Variants in RABEP1 observed in about 807,000 individuals in gnomAD.
The protein encoded by RABEP1 is rabaptin, RAB GTPase binding effector protein 1, also known as rab GTPase-binding effector protein 1.
In RABEP1, 51 loss-of-function variants were observed where a neutral mutation model predicts 123.4. The observed-to-expected ratio is 0.41, with a 90% CI of 0.33 to 0.52. RABEP1 has a LOEUF of 0.52. Among genes scored for constraint, RABEP1 ranks in the 20% least tolerant of loss-of-function variants. RABEP1 has a pLI of 0.16. For synonymous variants in RABEP1, 347 were observed against 355.2 expected (o/e 0.98, Z 0.26); for missense variants, 888 against 996.3 (o/e 0.89, Z 1.46).
chr17:5,319,330 AAAAAAAAAAAACAAAAAAAC>A (rs1241733810), intron 2 of RABEP1, among the ~76,000 whole-genome samples: 1 of 120,452 alleles, frequency 8.3e-6, no homozygotes, highest in Non-Finnish European at 1.7e-5. Flanking sequence ...TCTGTCTCAA[AAAAAAAAAAAACAAAAAAAC>A]AAAAAAAAAA....
intron 4 of RABEP1, 106 bp downstream of exon 4, chr17:5,335,450 G>A: frequency 4.0e-6 from 4 of 1,010,340 alleles, no homozygotes; most frequent in South Asian, 3.3e-5. Context: ...TATTTCCTGT[G>A]AGAATAATTA....
chr17:5,339,261 T>C (rs1400654755), intron 5 of RABEP1, among the ~76,000 whole-genome samples: 1 of 152,228 alleles, frequency 6.6e-6, no homozygotes, highest in Non-Finnish European at 1.5e-5. Context: ...CTGATACCTA[T>C]GTTTAAAAGA....
At position 5,361,817 on chromosome 17, in the gene RABEP1, C is replaced by G. The variant is rs544097128; in HGVS notation, c.1563+142C>G. ...AGCAAGTGGATATTAACGTGTGTCA[C>G]CTGACCCTTGTCATAGTCTGCCTTG... On this transcript the variant is annotated intron_variant, in intron 9 of 17. Transcript: ENST00000537505. 7 of 678,414 alleles carry G rather than the reference C, an allele frequency of 1.0e-5. No individual in the cohort carries two copies. The South Asian group carries it at 1.4e-4, about 13-fold the overall frequency. The allele number at this position is 678,414 out of a possible 1,614,324, so 42.0% of individuals were successfully genotyped here. A position where few individuals can be genotyped will look rare whatever the true frequency, so the allele number is the denominator to read the frequency against.
chr17:5,292,960 G>A (rs548657277), intron 1 of RABEP1, among the ~76,000 whole-genome samples: 1 of 152,304 alleles, frequency 6.6e-6, no homozygotes, highest in South Asian at 2.1e-4. Flanking sequence ...GGCATTACAG[G>A]CATGAGCTGC....
At chr17:5,371,005 C>T (rs1343751681) in intron 12 of RABEP1, among the ~76,000 whole-genome samples, 6 of 150,528 alleles carry the variant, frequency 4.0e-5, no homozygotes, top group African/African-American at 9.8e-5. Context: ...CTTGCTCTGT[C>T]GCCCAGGTTG....
At position 5,357,788 on chromosome 17, in the gene RABEP1, G is replaced by T. The variant is rs146957848; in HGVS notation, c.1095+3298G>T. Among the ~76,000 whole-genome samples the T allele has an allele frequency of 1.4e-3, 220 of 152,296 alleles. 3 individuals carry two copies. Among genetic ancestry groups the T allele is most frequent in the East Asian group, 5.8e-4 (3 of 5,184 alleles). ...TGGAAGCAGAGGTACAGCACACCTT[G>T]CATGGCCACAGCAGGGAAGCACCAG... On this transcript the variant is annotated intron_variant, in intron 8 of 17. Transcript: ENST00000537505.
At chr17:5,307,434 A>G (rs964559982) in intron 1 of RABEP1, among the ~76,000 whole-genome samples, 1 of 152,182 alleles carries the variant, frequency 6.6e-6, no homozygotes, top group Non-Finnish European at 1.5e-5. Context: ...AATTAAATTG[A>G]GTGATTGGGA....
chr17:5,342,420 C>G (rs960389861), intron 5 of RABEP1, among the ~76,000 whole-genome samples: 1 of 152,048 alleles, frequency 6.6e-6, no homozygotes, highest in African/African-American at 2.4e-5. Flanking sequence ...GGGGGATCAC[C>G]TGAGGTTAGG....
chr17:5,318,455 G>A (rs972425082), intron 2 of RABEP1, among the ~76,000 whole-genome samples: 1 of 152,078 alleles, frequency 6.6e-6, no homozygotes, highest in Non-Finnish European at 1.5e-5. Context: ...AGAAATTACT[G>A]GTATCAGAAA....
At chr17:5,334,887 T>TGGA (rs1567529599) in intron 3 of RABEP1, among the ~76,000 whole-genome samples, 2 of 152,212 alleles carry the variant, frequency 1.3e-5, no homozygotes, top group Non-Finnish European at 2.9e-5. Flanking sequence ...GTTCGAATTC[T>TGGA]AGCTTTGCTT....
rs1244667925 is a variant in RABEP1, at chr17:5,383,208, G to C, written c.2574G>C (p.Gln858His). 1.2e-6 allele frequency: 2 copies of C among 1,613,956 alleles called. No homozygotes were observed. Among genetic ancestry groups the C allele is most frequent in the Non-Finnish European group, 1.7e-6 (2 of 1,179,978 alleles). ...LNDTKLTDIN[Q>H]LPET ...ATACTAAACTGACAGACATTAACCA[G>C]CTTCCTGAGACATGACACCCTCATG... The change falls in exon 18 of 18, where the codon CAG becomes CAC. Residue 858 changes from glutamine (Q) to histidine (H), a missense_variant. By Grantham distance (24) the Gln-to-His change is conservative (BLOSUM62 0). Transcript: ENST00000537505.
intron 2 of RABEP1, among the ~76,000 whole-genome samples, chr17:5,320,465 A>C (rs1172348673): frequency 6.6e-6 from 1 of 151,108 alleles, no homozygotes; most frequent in Non-Finnish European, 1.5e-5. Context: ...CACACTGGTA[A>C]AATTAAGTAC....
intron 8 of RABEP1, among the ~76,000 whole-genome samples, chr17:5,357,166 A>G (rs1263178785): frequency 6.6e-6 from 1 of 151,754 alleles, no homozygotes; most frequent in African/African-American, 2.4e-5. Context: ...TTGAGCCACC[A>G]TGCCTGGCTC....
chr17:5,354,757 T>A (rs985168715), intron 8 of RABEP1, among the ~76,000 whole-genome samples: 4 of 152,244 alleles, frequency 2.6e-5, no homozygotes, highest in African/African-American at 9.6e-5. Flanking sequence ...AATAAACCTT[T>A]AAATAATGTC....
Position 5,323,703 on chromosome 17 carries a change from AAT to A in RABEP1, c.164-8233_164-8232del, listed in dbSNP as rs140822514. Among the ~76,000 whole-genome samples, 88 of 44,762 alleles carry A rather than the reference AAT, an allele frequency of 2.0e-3. 9 individuals carry two copies. The highest frequency in any genetic ancestry group is 7.3e-3 in the African/African-American group (35 of 4,794). The allele number at this position is 44,762 out of a possible 152,430, so 29.4% of individuals were successfully genotyped here. On this transcript the variant is annotated intron_variant, in intron 2 of 17. Transcript: ENST00000537505. ...ATATATATATATATCTCTCTCTAGG[AAT>A]ATATATATATATCTAGGAATATATA...
intron 1 of RABEP1, among the ~76,000 whole-genome samples, chr17:5,290,566 T>G (rs886779575): frequency 2.0e-5 from 3 of 152,098 alleles, no homozygotes. Context: ...AATTAATGCA[T>G]TAAGTGCATG....
At position 5,350,555 on chromosome 17, in the gene RABEP1, G is replaced by C; in HGVS notation, c.889G>C (p.Asp297His). 5 of 1,614,156 alleles carry C rather than the reference G, an allele frequency of 3.1e-6. No individual in the cohort carries two copies. Among genetic ancestry groups the C allele is most frequent in the Non-Finnish European group, 4.2e-6 (5 of 1,180,022 alleles). The change falls in exon 7 of 18, where the codon GAC (aspartate) becomes CAC (histidine). Residue 297 changes from aspartate to histidine, a missense_variant. Coordinates refer to ENST00000537505, the MANE Select transcript of RABEP1 (RefSeq NM_004703.6). ...GGAATCTCAGCGTTTACTGATGAGA[G>C]ACATGCAGCGAATGGAGATTGTGCT... ...FLESQRLLMR[D>H]MQRMEIVLTS...
intron 5 of RABEP1, among the ~76,000 whole-genome samples, chr17:5,346,334 T>G (rs184603666): frequency 6.6e-6 from 1 of 152,376 alleles, no homozygotes; most frequent in Admixed American, 6.5e-5. Context: ...TGTCTTCTTT[T>G]TATACATTTA....
chr17:5,381,932 C>T (rs1597304560), intron 17 of RABEP1, among the ~76,000 whole-genome samples: 1 of 152,104 alleles, frequency 6.6e-6, no homozygotes, highest in Non-Finnish European at 1.5e-5. Flanking sequence ...TAGGTCTGTC[C>T]CCTCTGTGGA....
Sources: allele counts gnomAD v4.1 joint callset (sites outside exome capture counted in the v4.1 genomes callset), GRCh38; gene constraint gnomAD v4.1.1; transcripts MANE v1.5; gene names NCBI Gene and HGNC (gene_info 2026-07-23, HGNC 2026-07-21).